UPRT: variants seen among roughly 807,000 people sequenced by gnomAD.
UPRT encodes uracil phosphoribosyltransferase homolog.
Under a neutral mutation model 22.6 loss-of-function variants are expected in UPRT, and 5 were observed. The ratio of observed to expected loss-of-function variants is 0.22; its 90% CI spans 0.12 to 0.47. UPRT has a LOEUF of 0.47. Among genes scored for constraint, UPRT ranks in the 20% least tolerant of loss-of-function variants. The pLI, the probability that UPRT is intolerant of heterozygous loss-of-function variation, is 0.99. For missense variants in UPRT, 181 were observed against 239.9 expected (o/e 0.75, Z 1.62); for synonymous variants, 77 against 87.7 (o/e 0.88, Z 0.68).
chrX:75,300,943 C>T lies in UPRT; in HGVS notation c.801C>T (p.Leu267=), dbSNP rs149514860. ...HGVQPSVIIL[L]SLFSTPHGAK... ...TTCAACCCAGTGTTATCATCCTACTCAGTCTGTTCTCCACTCCTCATGGTG... is the reference window on the plus strand; with the variant it reads ...TTCAACCCAGTGTTATCATCCTACTTAGTCTGTTCTCCACTCCTCATGGTG... Residue 267 remains leucine, a synonymous_variant, in exon 6 of 7, where the codon CTC becomes CTT. Transcript: ENST00000373383. 139 of 1,206,653 alleles carry T rather than the reference C, an allele frequency of 1.2e-4. No homozygotes were observed. Among genetic ancestry groups the T allele is most frequent in the Non-Finnish European group, 1.5e-4 (130 of 893,024 alleles).
At chrX:75,205,538 G>A (rs2082363414) in intron 4 of UPRT, among the ~76,000 whole-genome samples, 2 of 111,611 alleles carry the variant, frequency 1.8e-5, no homozygotes, top group Non-Finnish European at 1.9e-5. Flanking sequence ...TTTTGGGGGT[G>A]AGAAAATTTC....
chrX:75,233,388 C>A (rs962594303), intron 4 of UPRT, among the ~76,000 whole-genome samples: 22 of 111,163 alleles, frequency 2.0e-4, no homozygotes, highest in Admixed American at 1.2e-3. Context: ...GAGAACTTCC[C>A]CAATCTCGCA....
chrX:75,263,811 G>A (rs887805480), intron 4 of UPRT, among the ~76,000 whole-genome samples: 1 of 110,890 alleles, frequency 9.0e-6, no homozygotes, highest in Non-Finnish European at 1.9e-5. Flanking sequence ...TGTGATGTTA[G>A]GGTGTCAATT....
upstream of UPRT, among the ~76,000 whole-genome samples, chrX:75,270,843 A>T (rs1403461435): frequency 9.0e-6 from 1 of 111,323 alleles, no homozygotes; most frequent in Non-Finnish European, 1.9e-5. Context: ...TCCATGGCAC[A>T]TGTATACCTA....
At chrX:75,190,891 C>G (rs151174568) in intron 4 of UPRT, among the ~76,000 whole-genome samples, 1,772 of 109,771 alleles carry the variant, frequency 0.016, 114 homozygotes, top group Admixed American at 0.14. Context: ...ATTTTTTTTT[C>G]AAGGTTTTTA....
At chrX:75,232,095 G>C (rs1602463615) in intron 4 of UPRT, among the ~76,000 whole-genome samples, 1 of 112,102 alleles carries the variant, frequency 8.9e-6, no homozygotes, top group Admixed American at 9.4e-5. Flanking sequence ...CCATGCATGA[G>C]CCGAAGCAGG....
intron 4 of UPRT, among the ~76,000 whole-genome samples, chrX:75,215,518 G>A (rs1320802316): frequency 9.0e-6 from 1 of 111,520 alleles, no homozygotes; most frequent in African/African-American, 3.3e-5. Context: ...AATAATATCA[G>A]AAATGAAAGA....
At chrX:75,293,574 AC>A in intron 2 of UPRT, 60 bp downstream of exon 2, 1 of 1,099,667 alleles carries the variant, frequency 9.1e-7, no homozygotes. Context: ...ACCATGGTAG[AC>A]CAAGGGATAT....
chrX:75,299,914 GT>G lies in UPRT; in HGVS notation c.724+21del. On this transcript the variant is annotated intron_variant, in intron 5 of 6. Coordinates refer to ENST00000373383, the MANE Select transcript of UPRT (RefSeq NM_145052.4). ...AATTCTCAGTGAGTGGCTTCCATTT[GT>G]TTGTAACCTTTGGTTAGGGTTTAAA... 8.3e-7 allele frequency: 1 copy of G among 1,203,078 alleles called. No homozygotes were observed. The highest frequency in any genetic ancestry group is 1.1e-6 in the Non-Finnish European group (1 of 890,959).
At chrX:75,162,398 G>C (rs2082202695) in intron 2 of UPRT, among the ~76,000 whole-genome samples, 2 of 111,744 alleles carry the variant, frequency 1.8e-5, no homozygotes, top group Non-Finnish European at 3.8e-5. Context: ...TAAAGCTATA[G>C]ATTAATAACT....
intron 4 of UPRT, among the ~76,000 whole-genome samples, chrX:75,262,416 C>G (rs886833401): frequency 9.0e-6 from 1 of 111,281 alleles, no homozygotes; most frequent in Non-Finnish European, 1.9e-5. Context: ...ATGACAGGAA[C>G]AAATTTACAC....
At chrX:75,165,414 G>T (rs962428029) in intron 3 of UPRT, among the ~76,000 whole-genome samples, 3 of 111,711 alleles carry the variant, frequency 2.7e-5, no homozygotes, top group African/African-American at 9.8e-5. Context: ...TGCCTTTGGG[G>T]TCTATGTATA....
At chrX:75,274,700 T>G (rs2082624215) in intron 1 of UPRT, 60 bp downstream of exon 1, 2 of 1,123,442 alleles carry the variant, frequency 1.8e-6, no homozygotes, top group Non-Finnish European at 2.4e-6. Flanking sequence ...TGGGCGGGGA[T>G]TGGAAGTAAA....
At chrX:75,226,165 T>G (rs1338012073) in intron 4 of UPRT, among the ~76,000 whole-genome samples, 1 of 111,332 alleles carries the variant, frequency 9.0e-6, no homozygotes, top group African/African-American at 3.3e-5. Context: ...CCAGCAAAAT[T>G]TAAAAGATCT....
intron 4 of UPRT, among the ~76,000 whole-genome samples, chrX:75,239,831 A>G (rs1308218425): frequency 1.8e-5 from 2 of 111,625 alleles, no homozygotes; most frequent in African/African-American, 3.3e-5. Context: ...CTACATAAAC[A>G]TAAGTAAAAG....
At chrX:75,187,218 G>A (rs147472885) in intron 4 of UPRT, among the ~76,000 whole-genome samples, 11 of 111,044 alleles carry the variant, frequency 9.9e-5, no homozygotes, top group Non-Finnish European at 1.9e-4. Context: ...GGCAGGCCTG[G>A]TGGTGACAAA....
At chrX:75,183,212 C>T (rs1455924660) in intron 4 of UPRT, among the ~76,000 whole-genome samples, 2 of 109,946 alleles carry the variant, frequency 1.8e-5, no homozygotes, top group East Asian at 2.9e-4. Flanking sequence ...GTGATGTTCC[C>T]CTTCCTGTGT....
chrX:75,266,484 A>C (rs1318873641), intron 4 of UPRT, among the ~76,000 whole-genome samples: 1 of 111,626 alleles, frequency 9.0e-6, no homozygotes, highest in African/African-American at 3.3e-5. Flanking sequence ...AACCATAAAA[A>C]CCCTGGAAGA....
At position 75,236,056 on chromosome X, in the gene UPRT, C is replaced by G. The variant is rs773524292; in HGVS notation, c.-446-54968C>G. On this transcript the variant is annotated intron_variant, in intron 4 of 13. Transcript: ENST00000652605. ...TTGTATATCTAGTAAACCCCATTGT[C>G]TGAGCCCAAAATCTCCTTAAGCTGA... 1.8e-4 allele frequency among the ~76,000 whole-genome samples: 20 copies of G among 111,163 alleles called. No homozygotes were observed. In the East Asian group the frequency reaches 4.0e-3, roughly 22 times the overall value.
Sources: allele counts gnomAD v4.1 joint callset (sites outside exome capture counted in the v4.1 genomes callset), GRCh38; gene constraint gnomAD v4.1.1; transcripts MANE v1.5; gene names NCBI Gene and HGNC (gene_info 2026-07-23, HGNC 2026-07-21).